The following CPNE4 variants were observed in gnomAD, a reference collection of about 807,000 sequenced individuals.
CPNE4 encodes copine 4, also known as copine-4.
CPNE4 carries 25 observed loss-of-function variants against 67.9 expected under a neutral mutation model. The ratio of observed to expected loss-of-function variants is 0.37; its 90% CI spans 0.27 to 0.51. The LOEUF (loss-of-function observed/expected upper bound fraction) is 0.51, where lower values mean the gene tolerates loss of function less well. CPNE4 is among the 20% of genes least tolerant of loss of function. The pLI is 0.93. For missense variants in CPNE4, 464 were observed against 690.8 expected (o/e 0.67, Z 3.68); for synonymous variants, 242 against 244.9 (o/e 0.99, Z 0.11).
At chr3:131,773,559 G>T (rs2083221831) in intron 2 of CPNE4, among the ~76,000 whole-genome samples, 1 of 151,948 alleles carries the variant, frequency 6.6e-6, no homozygotes, top group African/African-American at 2.4e-5. Context: ...TGTTGGTCAG[G>T]CTGGTCTCGA....
chr3:131,645,502 C>G (rs1447330565), intron 7 of CPNE4, among the ~76,000 whole-genome samples: 7 of 152,184 alleles, frequency 4.6e-5, no homozygotes, highest in Admixed American at 4.6e-4. Flanking sequence ...TCTTACAACT[C>G]TATGGGACAG....
intron 2 of CPNE4, among the ~76,000 whole-genome samples, chr3:131,817,245 C>T (rs1488756016): frequency 2.0e-5 from 3 of 151,680 alleles, no homozygotes; most frequent in East Asian, 1.9e-4. Flanking sequence ...GTGCAGTTTG[C>T]GATATTAAAT....
At chr3:132,020,154 G>A (rs139346497) in intron 1 of CPNE4, among the ~76,000 whole-genome samples, 2 of 152,250 alleles carry the variant, frequency 1.3e-5, no homozygotes, top group African/African-American at 4.8e-5. Context: ...GCTTGTGAAG[G>A]GCTTTCCCCC....
At chr3:131,827,209 A>G (rs115158241) in intron 2 of CPNE4, among the ~76,000 whole-genome samples, 23 of 152,358 alleles carry the variant, frequency 1.5e-4, no homozygotes, top group Non-Finnish European at 3.4e-4. Context: ...ACACCAAATA[A>G]TCTAAAATGT....
chr3:131,873,483 C>T (rs575707947), intron 2 of CPNE4, among the ~76,000 whole-genome samples: 160 of 152,284 alleles, frequency 1.1e-3, no homozygotes, highest in African/African-American at 3.2e-3. Context: ...AGATCAAGCT[C>T]TACCCCACTG....
intron 2 of CPNE4, among the ~76,000 whole-genome samples, chr3:131,815,558 GA>G (rs1164029788): frequency 2.6e-5 from 4 of 152,174 alleles, no homozygotes; most frequent in Admixed American, 6.5e-5. Context: ...TCCAGTATGG[GA>G]AGATTCCAGA....
At chr3:131,993,360 T>C (rs1359577199) in intron 1 of CPNE4, among the ~76,000 whole-genome samples, 2 of 131,086 alleles carry the variant, frequency 1.5e-5, no homozygotes, top group Non-Finnish European at 3.4e-5. Context: ...ATTTCTTGAC[T>C]AGCATTCTTT....
intron 1 of CPNE4, among the ~76,000 whole-genome samples, chr3:132,026,678 C>T (rs894759484): frequency 1.3e-5 from 2 of 152,040 alleles, no homozygotes; most frequent in Non-Finnish European, 2.9e-5. Flanking sequence ...AAGATAAATG[C>T]ATATTATCTG....
chr3:131,905,992 C>G lies in CPNE4; in HGVS notation c.-1-548G>C, dbSNP rs571521472. Among the ~76,000 whole-genome samples the G allele has an allele frequency of 2.0e-5, 3 of 152,252 alleles. No individual in the cohort carries two copies. In the South Asian group the frequency reaches 6.2e-4, roughly 32 times the overall value. On this transcript the variant is annotated intron_variant, in intron 1 of 15. Transcript: ENST00000429747. ...CAGCTCCAAGACAGAGGCCCAGCATCTGAATCCCTGTGCCCAAATGCACTA... is the reference window on the plus strand; with the variant it reads ...CAGCTCCAAGACAGAGGCCCAGCATGTGAATCCCTGTGCCCAAATGCACTA...
intron 2 of CPNE4, among the ~76,000 whole-genome samples, chr3:131,796,117 G>A (rs971199579): frequency 1.3e-5 from 2 of 151,932 alleles, no homozygotes; most frequent in African/African-American, 4.8e-5. Context: ...AGGTTCCTCT[G>A]GGCTCTAATA....
At chr3:131,596,494 C>T (rs1290097712) in intron 7 of CPNE4, among the ~76,000 whole-genome samples, 1 of 134,264 alleles carries the variant, frequency 7.4e-6, no homozygotes, top group East Asian at 2.1e-4. Context: ...TAGTGGCGGG[C>T]GCCTGTAGTC....
At chr3:131,824,041 T>C (rs1384003646) in intron 2 of CPNE4, among the ~76,000 whole-genome samples, 1 of 152,160 alleles carries the variant, frequency 6.6e-6, no homozygotes, top group Non-Finnish European at 1.5e-5. Context: ...ATCTTTAACA[T>C]ACTAAACACT....
chr3:131,542,398 G>A (rs997796601), intron 15 of CPNE4, among the ~76,000 whole-genome samples, 159 bp downstream of exon 15: 11 of 152,026 alleles, frequency 7.2e-5, no homozygotes, highest in African/African-American at 2.4e-4. Context: ...GGAAGGGATA[G>A]CTAAGCCAGG....
intron 2 of CPNE4, among the ~76,000 whole-genome samples, chr3:131,853,948 A>T (rs974413168): frequency 6.6e-6 from 1 of 151,930 alleles, no homozygotes; most frequent in Admixed American, 6.6e-5. Context: ...GGGAGTGTCA[A>T]ATAGTATAAC....
intron 1 of CPNE4, among the ~76,000 whole-genome samples, chr3:132,025,472 G>A (rs1281940804): frequency 6.6e-6 from 1 of 152,140 alleles, no homozygotes; most frequent in African/African-American, 2.4e-5. Context: ...CAGAGAGAGA[G>A]GAGAGGAGGA....
At chr3:131,724,043 C>T (rs1412865392) in intron 2 of CPNE4, among the ~76,000 whole-genome samples, 2 of 151,996 alleles carry the variant, frequency 1.3e-5, no homozygotes, top group Non-Finnish European at 2.9e-5. Context: ...TTGATTCAAC[C>T]TTGTCCTGCC....
intron 2 of CPNE4, among the ~76,000 whole-genome samples, chr3:131,757,935 C>A (rs986930802): frequency 6.6e-6 from 1 of 152,174 alleles, no homozygotes; most frequent in African/African-American, 2.4e-5. Flanking sequence ...TACAGTTGCA[C>A]AGAAGTCAAG....
intron 1 of CPNE4, among the ~76,000 whole-genome samples, chr3:131,953,239 TAAAAAAAAAA>T (rs1167094357): frequency 2.1e-5 from 2 of 97,136 alleles, no homozygotes; most frequent in African/African-American, 8.8e-5. Context: ...AATGATCAAT[TAAAAAAAAAA>T]AAAAAAAAAA....
chr3:131,755,326 C>T (rs2082726944), intron 2 of CPNE4, among the ~76,000 whole-genome samples: 1 of 151,958 alleles, frequency 6.6e-6, no homozygotes, highest in African/African-American at 2.4e-5. Context: ...CAGCCCAAAC[C>T]TCCATAGGGG....
Sources: gnomAD v4.1 joint callset for allele counts (sites outside exome capture counted in the v4.1 genomes callset) on GRCh38, gnomAD v4.1.1 for gene constraint, MANE v1.5 for transcripts, NCBI Gene and HGNC (gene_info 2026-07-23, HGNC 2026-07-21) for gene names.